TMEM232: variants seen among roughly 807,000 people sequenced by gnomAD.
TMEM232 encodes the protein transmembrane protein 232.
Under a neutral mutation model 78.8 loss-of-function variants are expected in TMEM232, and 80 were observed. That is an observed-to-expected ratio of 1.01 (90% CI 0.85 to 1.22). The LOEUF (loss-of-function observed/expected upper bound fraction) is 1.22. Among genes scored for constraint, TMEM232 ranks in the 50% most tolerant of loss-of-function variants. The pLI is 0.00. For missense variants in TMEM232, 881 were observed against 742.2 expected, an observed-to-expected ratio of 1.19 and a Z score of -2.17; for synonymous variants, 297 against 254.3, an observed-to-expected ratio of 1.17 and a Z score of -1.60.
chr5:110,496,034 TCAATC>T (rs1765602183), intron 12 of TMEM232, among the ~76,000 whole-genome samples: 1 of 151,868 alleles, frequency 6.6e-6, no homozygotes, highest in Non-Finnish European at 1.5e-5. Flanking sequence ...TATTTATAAT[TCAATC>T]CTGTAATTTC....
intron 10 of TMEM232, among the ~76,000 whole-genome samples, chr5:110,596,824 C>T (rs1489754473): frequency 6.6e-6 from 1 of 152,122 alleles, no homozygotes; most frequent in Non-Finnish European, 1.5e-5. Flanking sequence ...ACTCTTTATG[C>T]TAAAAACTCT....
downstream of TMEM232, among the ~76,000 whole-genome samples, chr5:110,418,888 A>C (rs1435970516): frequency 6.6e-6 from 1 of 152,190 alleles, no homozygotes; most frequent in African/African-American, 2.4e-5. Context: ...AGATCTCCAG[A>C]GTCCCCTTAC....
rs546745878 is a variant in TMEM232 at position 110,451,052 on chromosome 5, A to G, written c.1704-26136T>C. ...AAATGACCACATGGTAGGTCATCTC[A>G]GAAGGAATACCGCATTTGGCTGTGA... is the stretch of plus-strand genomic sequence containing the variant. On this transcript the variant is annotated intron_variant, in intron 12 of 13. Coordinates refer to ENST00000455884, the MANE Select transcript of TMEM232 (RefSeq NM_001039763.4). 2.0e-5 allele frequency among the ~76,000 whole-genome samples: 3 copies of G among 152,276 alleles called. No individual in the cohort carries two copies. In the East Asian group the frequency reaches 5.8e-4, roughly 29 times the overall value.
chr5:110,670,752 C>T (rs1399765936), intron 1 of TMEM232, among the ~76,000 whole-genome samples: 1 of 151,954 alleles, frequency 6.6e-6, no homozygotes, highest in Admixed American at 6.6e-5. Flanking sequence ...TTTTCTTTAA[C>T]AGCTAACAAC....
At chr5:110,449,332 T>C (rs1342060758) in intron 12 of TMEM232, among the ~76,000 whole-genome samples, 2 of 152,004 alleles carry the variant, frequency 1.3e-5, no homozygotes, top group African/African-American at 4.8e-5. Flanking sequence ...TCATGGTACA[T>C]GCTGTTACAT....
chr5:110,443,281 G>A (rs558288544), intron 12 of TMEM232, among the ~76,000 whole-genome samples: 2 of 152,264 alleles, frequency 1.3e-5, no homozygotes, highest in East Asian at 3.9e-4. Context: ...TGGCCAAGCT[G>A]GCACTCAAAC....
intron 13 of TMEM232, 118 bp from the exon 14 acceptor site, chr5:110,420,874 T>A: frequency 7.4e-7 from 1 of 1,359,772 alleles, no homozygotes; most frequent in East Asian, 3.0e-5. Flanking sequence ...TTCCATGACA[T>A]TCCTCAAAAA....
intron 12 of TMEM232, among the ~76,000 whole-genome samples, chr5:110,480,801 T>A (rs1763780732): frequency 6.6e-6 from 1 of 152,112 alleles, no homozygotes; most frequent in East Asian, 1.9e-4. Context: ...AAATACTCCA[T>A]TTATACTTGT....
At chr5:110,658,000 A>C (rs1789317818) in intron 2 of TMEM232, among the ~76,000 whole-genome samples, 1 of 152,178 alleles carries the variant, frequency 6.6e-6, no homozygotes, top group Admixed American at 6.5e-5. Flanking sequence ...AGCAGAATGA[A>C]AGAAAGGTCT....
At chr5:110,715,738 G>T (rs368343195) in intron 1 of TMEM232, among the ~76,000 whole-genome samples, 1 of 135,388 alleles carries the variant, frequency 7.4e-6, no homozygotes, top group Admixed American at 7.9e-5. Context: ...AAAGCAGGGG[G>T]TGGTCAGACA....
At chr5:110,703,905 C>T (rs1437669690) in intron 1 of TMEM232, among the ~76,000 whole-genome samples, 2 of 152,062 alleles carry the variant, frequency 1.3e-5, no homozygotes, top group Non-Finnish European at 2.9e-5. Context: ...CGGCCCAAGT[C>T]TCTTCCATTG....
At chr5:110,468,117 A>T (rs866513531) in intron 12 of TMEM232, among the ~76,000 whole-genome samples, 3 of 152,212 alleles carry the variant, frequency 2.0e-5, no homozygotes, top group Middle Eastern at 3.4e-3. Context: ...AAAAAGATAG[A>T]TACATTACTT....
intron 12 of TMEM232, among the ~76,000 whole-genome samples, chr5:110,466,125 G>GT (rs1371409057): frequency 6.6e-6 from 1 of 152,146 alleles, no homozygotes; most frequent in Non-Finnish European, 1.5e-5. Flanking sequence ...AGATTGGATT[G>GT]TTTGAGAAAA....
chr5:110,547,255 TA>T (rs1431584673), intron 11 of TMEM232, among the ~76,000 whole-genome samples: 1 of 152,166 alleles, frequency 6.6e-6, no homozygotes, highest in Non-Finnish European at 1.5e-5. Context: ...AAAGCAGCTT[TA>T]AAAAATGTAA....
downstream of TMEM232, among the ~76,000 whole-genome samples, chr5:110,418,859 A>G (rs1047406443): frequency 6.6e-6 from 1 of 152,202 alleles, no homozygotes; most frequent in Non-Finnish European, 1.5e-5. Flanking sequence ...ATTTGTTGAA[A>G]TTCTTTTAAG....
At chr5:110,457,570 T>C (rs952076738) in intron 12 of TMEM232, among the ~76,000 whole-genome samples, 27 of 152,070 alleles carry the variant, frequency 1.8e-4, no homozygotes, top group Admixed American at 1.3e-3. Context: ...GTGATATATA[T>C]GGTCATCAAA....
chr5:110,524,463 G>T (rs1028837522), intron 12 of TMEM232, among the ~76,000 whole-genome samples: 1 of 150,734 alleles, frequency 6.6e-6, no homozygotes, highest in Non-Finnish European at 1.5e-5. Flanking sequence ...GAAAGAAAAA[G>T]AAAGAAAGAA....
At chr5:110,682,994 T>G (rs1792941588) in intron 1 of TMEM232, among the ~76,000 whole-genome samples, 1 of 152,142 alleles carries the variant, frequency 6.6e-6, no homozygotes, top group Admixed American at 6.6e-5. Flanking sequence ...CTATGTCTGT[T>G]TCATTGTGCA....
At chr5:110,438,550 T>C (rs1449681567) in intron 12 of TMEM232, among the ~76,000 whole-genome samples, 3 of 152,056 alleles carry the variant, frequency 2.0e-5, no homozygotes, top group Non-Finnish European at 4.4e-5. Context: ...TTATTTTCTA[T>C]ATTATTTATC....
Sources: gnomAD v4.1 joint callset for allele counts (sites outside exome capture counted in the v4.1 genomes callset) on GRCh38, gnomAD v4.1.1 for gene constraint, MANE v1.5 for transcripts, NCBI Gene and HGNC (gene_info 2026-07-23, HGNC 2026-07-21) for gene names.